ADCY8: variants seen among roughly 807,000 people sequenced by gnomAD.
ADCY8 encodes adenylate cyclase 8, also known as adenylate cyclase type 8.
A neutral mutation model predicts 119.7 loss-of-function variants in ADCY8; 51 were observed. That is an observed-to-expected ratio of 0.43 (90% CI 0.34 to 0.54). The LOEUF is 0.54. Among genes scored for constraint, ADCY8 ranks in the 20% least tolerant of loss-of-function variants. The pLI is 0.03. For synonymous variants in ADCY8, 665 were observed against 651.0 expected (o/e 1.02, Z -0.33); for missense variants, 1,383 against 1,598.8 (o/e 0.87, Z 2.30).
At chr8:131,014,549 G>A (rs10109398) in intron 1 of ADCY8, among the ~76,000 whole-genome samples, 84,731 of 151,902 alleles carry the variant, frequency 0.56, 24,492 homozygotes, top group East Asian at 0.78. Context: ...CAGGATAATT[G>A]ATAACTACCT....
intron 2 of ADCY8, among the ~76,000 whole-genome samples, chr8:130,988,232 G>A (rs1052239821): frequency 4.6e-5 from 7 of 152,226 alleles, no homozygotes; most frequent in African/African-American, 1.7e-4. Flanking sequence ...CTGAAGCAGA[G>A]ATCAGATGCC....
chr8:130,801,485 TCA>T (rs1815774555), intron 14 of ADCY8, among the ~76,000 whole-genome samples: 1 of 152,216 alleles, frequency 6.6e-6, no homozygotes. Flanking sequence ...ATTTACTTTT[TCA>T]GTGATCCTTT....
At chr8:130,833,511 A>G (rs1816900043) in intron 12 of ADCY8, among the ~76,000 whole-genome samples, 1 of 152,220 alleles carries the variant, frequency 6.6e-6, no homozygotes, top group Non-Finnish European at 1.5e-5. Context: ...TACGAACACA[A>G]TGGAATACTA....
chr8:130,905,951 G>A (rs1432897857), intron 6 of ADCY8, among the ~76,000 whole-genome samples: 2 of 152,172 alleles, frequency 1.3e-5, no homozygotes, highest in Non-Finnish European at 2.9e-5. Flanking sequence ...AACCCATTCT[G>A]CTAAATCCCT....
intron 13 of ADCY8, among the ~76,000 whole-genome samples, chr8:130,815,099 C>T (rs144070869): frequency 6.5e-4 from 99 of 152,206 alleles, no homozygotes; most frequent in African/African-American, 2.3e-3. Context: ...TGAGAACACT[C>T]GCTCTTTCTC....
chr8:130,907,735 T>C (rs1254486497), intron 6 of ADCY8, among the ~76,000 whole-genome samples: 1 of 152,214 alleles, frequency 6.6e-6, no homozygotes, highest in Non-Finnish European at 1.5e-5. Context: ...ATTTTATTCG[T>C]TTCTTTCCTT....
intron 7 of ADCY8, among the ~76,000 whole-genome samples, chr8:130,899,178 CATATT>C (rs1187577158): frequency 6.6e-6 from 1 of 152,218 alleles, no homozygotes; most frequent in Non-Finnish European, 1.5e-5. Flanking sequence ...TTTTAGCACT[CATATT>C]AAATCTTTAG....
chr8:130,919,925 C>A (rs1820249386), intron 5 of ADCY8, among the ~76,000 whole-genome samples: 1 of 152,076 alleles, frequency 6.6e-6, no homozygotes, highest in African/African-American at 2.4e-5. Context: ...ATGGTGTGGC[C>A]TTCCACATTA....
intron 3 of ADCY8, among the ~76,000 whole-genome samples, chr8:130,944,539 G>A (rs1186835118): frequency 2.0e-5 from 3 of 152,272 alleles, no homozygotes; most frequent in East Asian, 1.9e-4. Context: ...AGAAGACATC[G>A]TGGAATGTGT....
chr8:130,979,461 GAACC>G (rs1227563019), intron 2 of ADCY8, among the ~76,000 whole-genome samples: 1 of 152,158 alleles, frequency 6.6e-6, no homozygotes, highest in Non-Finnish European at 1.5e-5. Context: ...CTTATTGCTA[GAACC>G]AATATGAGTT....
chr8:130,900,093 C>T (rs1563720110), intron 7 of ADCY8, among the ~76,000 whole-genome samples: 1 of 152,102 alleles, frequency 6.6e-6, no homozygotes, highest in Non-Finnish European at 1.5e-5. Flanking sequence ...GTTCAGGAAA[C>T]CAAGGCATCA....
chr8:130,949,848 T>C (rs28576995), intron 3 of ADCY8, among the ~76,000 whole-genome samples: 119,353 of 152,106 alleles, frequency 0.78, 50,207 homozygotes, highest in East Asian at 0.95. Context: ...GTTCTTATTA[T>C]GTGTGGGACC....
chr8:130,844,996 A>C (rs1325731032), intron 11 of ADCY8, among the ~76,000 whole-genome samples: 2 of 152,250 alleles, frequency 1.3e-5, no homozygotes, highest in African/African-American at 4.8e-5. Flanking sequence ...AAAATAATAC[A>C]TAAATCATAG....
intron 16 of ADCY8, 30 bp downstream of exon 16, chr8:130,785,353 C>T (rs747628553): frequency 1.3e-6 from 2 of 1,505,582 alleles, no homozygotes; most frequent in Non-Finnish European, 1.8e-6. Context: ...CCCCACCATG[C>T]ATTGTGGCTG....
chr8:130,795,397 A>G (rs1051299785), intron 15 of ADCY8, among the ~76,000 whole-genome samples: 15 of 152,250 alleles, frequency 9.9e-5, no homozygotes, highest in African/African-American at 3.6e-4. Context: ...ATAGCAGAAC[A>G]TTAAAACAAG....
intron 8 of ADCY8, among the ~76,000 whole-genome samples, chr8:130,884,344 A>G (rs999250606): frequency 3.9e-5 from 6 of 152,200 alleles, no homozygotes; most frequent in African/African-American, 1.4e-4. Flanking sequence ...TCTTTTCCTT[A>G]AAGAGCAAGC....
At chr8:131,017,328 C>T (rs1823510239) in intron 1 of ADCY8, among the ~76,000 whole-genome samples, 1 of 152,126 alleles carries the variant, frequency 6.6e-6, no homozygotes, top group African/African-American at 2.4e-5. Context: ...CCTTGGTCTC[C>T]TAAAGTGCTG....
At chr8:130,782,839 G>T (rs1254541156) in intron 17 of ADCY8, among the ~76,000 whole-genome samples, 1 of 152,232 alleles carries the variant, frequency 6.6e-6, no homozygotes, top group African/African-American at 2.4e-5. Context: ...TGCTAAGGGA[G>T]AAGCAGATAA....
chr8:130,891,117 ATT>A (rs1280506120), intron 7 of ADCY8, among the ~76,000 whole-genome samples: 2 of 152,070 alleles, frequency 1.3e-5, no homozygotes. Flanking sequence ...TCCCCAACCT[ATT>A]CTGGGAGCAC....
Sources: gnomAD v4.1 joint callset for allele counts (sites outside exome capture counted in the v4.1 genomes callset) on GRCh38, gnomAD v4.1.1 for gene constraint, MANE v1.5 for transcripts, NCBI Gene and HGNC (gene_info 2026-07-23, HGNC 2026-07-21) for gene names.